The following OGDH variants were observed in gnomAD, a reference collection of about 807,000 sequenced individuals.
OGDH encodes the protein oxoglutarate dehydrogenase.
In OGDH, 38 loss-of-function variants were observed where a neutral mutation model predicts 116.6. That is an observed-to-expected ratio of 0.33 (90% CI 0.25 to 0.43). The LOEUF (loss-of-function observed/expected upper bound fraction) is 0.43, where lower values mean the gene tolerates loss of function less well. OGDH is among the 20% of genes least tolerant of loss of function. The pLI is 1.00. For synonymous variants in OGDH, 488 were observed against 533.3 expected, an observed-to-expected ratio of 0.92 and a Z score of 1.17; for missense variants, 825 against 1,357.2, an observed-to-expected ratio of 0.61 and a Z score of 6.16.
intron 10 of OGDH, 96 bp from the exon 11 acceptor site, chr7:44,693,729 T>C: frequency 9.1e-7 from 1 of 1,095,192 alleles, no homozygotes; most frequent in Non-Finnish European, 1.3e-6. Flanking sequence ...AGTAGCCAGA[T>C]GGCAAGTGCA....
chr7:44,706,377 A>G (rs1373162619), intron 20 of OGDH, among the ~76,000 whole-genome samples: 1 of 150,780 alleles, frequency 6.6e-6, no homozygotes, highest in Non-Finnish European at 1.5e-5. Flanking sequence ...GCTGGAGTGC[A>G]ATGGCGCATT....
In OGDH at chr7:44,624,393, C is replaced by T; in HGVS notation, c.50C>T (p.Ser17Phe). The change falls in exon 2 of 23, where the codon TCC (serine) becomes TTC (phenylalanine). Residue 17 changes from serine to phenylalanine, a missense_variant. Coordinates refer to ENST00000222673, the MANE Select transcript of OGDH (RefSeq NM_002541.4). ...CAAKLRPLTA[S>F]QTVKTFSQNR... ...GCTAAGTTGAGGCCATTGACGGCTT[C>T]CCAGACTGTTAAGACATTTTCACAA... 1 of 1,593,104 alleles carries T rather than the reference C, an allele frequency of 6.3e-7. No individual in the cohort carries two copies. The highest frequency in any genetic ancestry group is 8.5e-7 in the Non-Finnish European group (1 of 1,170,664).
chr7:44,697,087 T>C lies in OGDH; in HGVS notation c.2051+23T>C. On this transcript the variant is annotated intron_variant, in intron 15 of 22. Transcript: ENST00000222673. The surrounding 1 kb of genome is among the most constrained non-coding windows in gnomAD (Gnocchi z 6.0). Reference sequence around the variant, plus strand: ...CAGGTAACGTTCTGGGCAGTTTTGTTTGCCCTCCAAAGAGTAGAAGATGGA... The same window carrying C: ...CAGGTAACGTTCTGGGCAGTTTTGTCTGCCCTCCAAAGAGTAGAAGATGGA... 2 of 1,603,942 alleles carry C rather than the reference T, an allele frequency of 1.2e-6. No individual in the cohort carries two copies. The highest frequency in any genetic ancestry group is 1.7e-6 in the Non-Finnish European group (2 of 1,171,682).
chr7:44,647,389 C>T (rs1786231695), intron 3 of OGDH: 3 of 1,237,522 alleles, frequency 2.4e-6, no homozygotes, highest in Admixed American at 2.0e-5. Flanking sequence ...CTCTTTTAAC[C>T]CTCCCCACAG....
Position 44,708,016 on chromosome 7 carries a change from C to G in OGDH, c.*17C>G. 1 of 1,608,782 alleles carries G rather than the reference C, an allele frequency of 6.2e-7. No individual in the cohort carries two copies. Among genetic ancestry groups the G allele is most frequent in the South Asian group, 1.1e-5 (1 of 90,840 alleles). ...TTCTCGTAGATGCTGCCTAGGGTTG[C>G]TTGGGCCACTGCCCTCTCCACACCC... On this transcript the variant is annotated 3_prime_UTR_variant, in exon 23 of 23. Coordinates refer to ENST00000222673, the MANE Select transcript of OGDH (RefSeq NM_002541.4).
intron 4 of OGDH, among the ~76,000 whole-genome samples, chr7:44,657,203 C>G (rs950102272): frequency 6.6e-6 from 1 of 152,186 alleles, no homozygotes; most frequent in African/African-American, 2.4e-5. Flanking sequence ...ACATCCATCA[C>G]CACGAGGATT....
intron 9 of OGDH, among the ~76,000 whole-genome samples, chr7:44,680,013 C>G (rs753844632): frequency 3.3e-5 from 5 of 152,116 alleles, no homozygotes; most frequent in Admixed American, 3.3e-4. Context: ...GAGTTTGAGA[C>G]CAGCATGACC....
chr7:44,648,226 C>A (rs1197765177), intron 4 of OGDH, among the ~76,000 whole-genome samples: 1 of 152,212 alleles, frequency 6.6e-6, no homozygotes, highest in Non-Finnish European at 1.5e-5. Flanking sequence ...AATTCTAGAG[C>A]AAGTTGTGCA....
At chr7:44,666,251 C>G (rs1006314288) in intron 4 of OGDH, among the ~76,000 whole-genome samples, 2 of 152,182 alleles carry the variant, frequency 1.3e-5, no homozygotes, top group Non-Finnish European at 2.9e-5. Flanking sequence ...AGTCCCCCTC[C>G]TCCAGCTTTT....
chr7:44,635,719 T>C (rs545478593), intron 2 of OGDH, among the ~76,000 whole-genome samples: 1 of 152,178 alleles, frequency 6.6e-6, no homozygotes, highest in South Asian at 2.1e-4. Context: ...TTTTTTTTTT[T>C]TTTCGAGATG....
At chr7:44,664,702 C>G (rs1167471025) in intron 4 of OGDH, among the ~76,000 whole-genome samples, 2 of 152,134 alleles carry the variant, frequency 1.3e-5, no homozygotes, top group African/African-American at 4.8e-5. Flanking sequence ...CATATAATGT[C>G]TAGGATTTTT....
At chr7:44,632,261 G>A (rs1047682591) in intron 2 of OGDH, among the ~76,000 whole-genome samples, 17 of 151,986 alleles carry the variant, frequency 1.1e-4, no homozygotes, top group African/African-American at 3.4e-4. Context: ...CTGGTGGGAG[G>A]AGAGAGGCTT....
At chr7:44,616,788 T>C (rs1390927057) in intron 1 of OGDH, among the ~76,000 whole-genome samples, 5 of 109,398 alleles carry the variant, frequency 4.6e-5, no homozygotes, top group East Asian at 3.6e-4. Context: ...TATATGCATA[T>C]ATATATGTGT....
At position 44,707,323 on chromosome 7, in the gene OGDH, G is replaced by C; in HGVS notation, c.2731G>C (p.Asp911His). The C allele has an allele frequency of 6.2e-7, 1 of 1,614,246 alleles. No individual in the cohort carries two copies. The highest frequency in any genetic ancestry group is 1.6e-4 in the Middle Eastern group (1 of 6,062). The change falls in exon 21 of 23, where the codon GAC (aspartate) becomes CAC (histidine). Residue 911 changes from aspartate to histidine, a missense_variant. By Grantham distance (81) the Asp-to-His change is moderately conservative (BLOSUM62 -1). Transcript: ENST00000222673. The surrounding 1 kb of genome is among the most constrained non-coding windows in gnomAD (Gnocchi z 5.2). The stretch of plus-strand genomic sequence containing the variant: ...CTTCTGCACCGGCAAAGTGTATTAT[G>C]ACCTCACCCGGGAGCGCAAAGCACG... The part of the protein sequence containing the change: ...LLFCTGKVYY[D>H]LTRERKARDM...
intron 4 of OGDH, among the ~76,000 whole-genome samples, chr7:44,660,187 T>C (rs1347693843): frequency 6.6e-6 from 1 of 152,204 alleles, no homozygotes; most frequent in Non-Finnish European, 1.5e-5. Context: ...TGCAGTGGCA[T>C]GGTCACAGCT....
At chr7:44,705,187 G>A (rs1265354509) in intron 20 of OGDH, among the ~76,000 whole-genome samples, 1 of 145,638 alleles carries the variant, frequency 6.9e-6, no homozygotes, top group Non-Finnish European at 1.5e-5. Context: ...CAAGTAGCTG[G>A]GACTACAGGC....
intron 1 of OGDH, among the ~76,000 whole-genome samples, chr7:44,608,843 G>A (rs1217007560): frequency 6.6e-6 from 1 of 152,106 alleles, no homozygotes; most frequent in Non-Finnish European, 1.5e-5. Context: ...TTAAGAAATT[G>A]TACATAAAAA....
chr7:44,649,240 C>CTGT, intron 4 of OGDH, among the ~76,000 whole-genome samples: 4 of 137,400 alleles, frequency 2.9e-5, no homozygotes, highest in African/African-American at 1.1e-4. Context: ...TGCTCATTTT[C>CTGT]TGTTGTTTTT....
chr7:44,653,174 A>G (rs930484285), intron 4 of OGDH, among the ~76,000 whole-genome samples: 1 of 151,632 alleles, frequency 6.6e-6, no homozygotes, highest in Non-Finnish European at 1.5e-5. Context: ...GCTCACTGCA[A>G]CCTCCACCTC....
Sources: allele counts gnomAD v4.1 joint callset (sites outside exome capture counted in the v4.1 genomes callset), GRCh38; gene constraint gnomAD v4.1.1; non-coding constraint Gnocchi (gnomAD v3.1); transcripts MANE v1.5; gene names NCBI Gene and HGNC (gene_info 2026-07-23, HGNC 2026-07-21).